Variants in SH3YL1 observed in about 807,000 individuals in gnomAD.
SH3YL1 encodes the protein SH3 and SYLF domain containing 1.
Under a neutral mutation model 45.8 loss-of-function variants are expected in SH3YL1, and 41 were observed. The observed-to-expected ratio is 0.89, with a 90% CI of 0.70 to 1.16. The LOEUF (loss-of-function observed/expected upper bound fraction) is 1.16, where lower values mean the gene tolerates loss of function less well. Among genes scored for constraint, SH3YL1 ranks in the 50% most tolerant of loss-of-function variants. The probability of loss-of-function intolerance (pLI) is 0.00; values close to 1 mark genes in which losing one functional copy is unlikely to be tolerated. For synonymous variants in SH3YL1, 152 were observed against 151.4 expected (o/e 1.00, Z -0.03); for missense variants, 389 against 409.6 (o/e 0.95, Z 0.43).
chr2:233,842 A>T (rs1348837028), intron 5 of SH3YL1, among the ~76,000 whole-genome samples: 1 of 152,208 alleles, frequency 6.6e-6, no homozygotes, highest in East Asian at 1.9e-4. Flanking sequence ...ATCGAAGCTT[A>T]ACTTTATCAT....
rs1668013712 is a variant in SH3YL1 at position 231,055 on chromosome 2, T to C, written c.670A>G (p.Arg224Gly). ...YENEGQRINARKAAREQRKSS... is the reference protein window; with the variant it reads ...YENEGQRINAGKAAREQRKSS... ...TTCCTCTGCTCCCTTGCTGCTTTTCTTGCATTGATTCGTTGTCCTTCATTT... is the reference window on the plus strand; with the variant it reads ...TTCCTCTGCTCCCTTGCTGCTTTTCCTGCATTGATTCGTTGTCCTTCATTT... The change falls in exon 7 of 10, where the codon AGA becomes GGA. Residue 224 changes from arginine (R) to glycine (G), a missense_variant. Arg to Gly is a moderately radical substitution (Grantham distance 125). Coordinates refer to ENST00000356150, the MANE Select transcript of SH3YL1 (RefSeq NM_015677.4). 6.2e-7 allele frequency: 1 copy of C among 1,614,064 alleles called. No individual in the cohort carries two copies. Among genetic ancestry groups the C allele is most frequent in the Non-Finnish European group, 8.5e-7 (1 of 1,180,034 alleles).
intron 4 of SH3YL1, among the ~76,000 whole-genome samples, chr2:236,445 G>A (rs1221103056): frequency 6.6e-6 from 1 of 152,128 alleles, no homozygotes; most frequent in African/African-American, 2.4e-5. Flanking sequence ...TAGGCGTCAA[G>A]TGTACCTGGG....
intron 4 of SH3YL1, chr2:243,701 C>A: frequency 1.1e-6 from 1 of 937,242 alleles, no homozygotes; most frequent in Non-Finnish European, 1.5e-6. Context: ...AAGTTTCTTC[C>A]CCGGAAGAAC....
In SH3YL1 at chr2:231,271, C is replaced by T. The variant is rs566690968; in HGVS notation, c.534-80G>A. ...GTTAAACATAGCATGTGCGCACACA[C>T]GGTGTGTATATATAATCATTCATAC... On this transcript the variant is annotated intron_variant, in intron 6 of 9. Coordinates refer to ENST00000356150, the MANE Select transcript of SH3YL1 (RefSeq NM_015677.4). 50 of 1,070,958 alleles carry T rather than the reference C, an allele frequency of 4.7e-5. 1 individual carries two copies. Among genetic ancestry groups the T allele is most frequent in the South Asian group, 3.8e-4 (24 of 63,698 alleles). 66.3% of individuals were successfully genotyped at this position (1,070,958 alleles called of 1,614,324 possible). A position where few individuals can be genotyped will look rare whatever the true frequency, so the allele number is the denominator to read the frequency against.
chr2:253,550 T>C (rs1669172555), intron 1 of SH3YL1, among the ~76,000 whole-genome samples: 1 of 152,174 alleles, frequency 6.6e-6, no homozygotes, highest in South Asian at 2.1e-4. Context: ...CCCTATATGG[T>C]CTAAAAAGGA....
Position 253,094 on chromosome 2 carries a change from T to C in SH3YL1, c.23A>G (p.Asn8Ser). ...AGCCTTTTTTGCTTCTGATTTCAAA[T>C]TGGAAGGTATAGGGTTATTCACTGA... is the stretch of plus-strand genomic sequence containing the variant. The part of the protein sequence containing the change: MNNPIPS[N>S]LKSEAKKAAK... The change falls in exon 2 of 10, where the codon AAT becomes AGT. Residue 8 changes from asparagine to serine, a missense_variant. Coordinates refer to ENST00000356150, the MANE Select transcript of SH3YL1 (RefSeq NM_015677.4). The C allele has an allele frequency of 1.3e-6, 2 of 1,542,984 alleles. No homozygotes were observed. Among genetic ancestry groups the C allele is most frequent in the Non-Finnish European group, 1.8e-6 (2 of 1,139,374 alleles).
At chr2:234,133 T>G in intron 5 of SH3YL1, 27 bp downstream of exon 5, 1 of 1,485,234 alleles carries the variant, frequency 6.7e-7, no homozygotes, top group Non-Finnish European at 9.3e-7. Context: ...AAACCTTTAC[T>G]GTCTAACATC....
chr2:246,296 C>T (rs1481281047), intron 4 of SH3YL1, among the ~76,000 whole-genome samples: 1 of 152,146 alleles, frequency 6.6e-6, no homozygotes, highest in Non-Finnish European at 1.5e-5. Flanking sequence ...CTACATTTTA[C>T]TTGCTCTTGT....
chr2:238,948 T>C (rs1668423230), intron 4 of SH3YL1, among the ~76,000 whole-genome samples: 1 of 152,072 alleles, frequency 6.6e-6, no homozygotes, highest in African/African-American at 2.4e-5. Context: ...AATCTGGGAG[T>C]CTAAAGGTTG....
At chr2:253,456 C>G (rs973503252) in intron 1 of SH3YL1, among the ~76,000 whole-genome samples, 1 of 152,208 alleles carries the variant, frequency 6.6e-6, no homozygotes. Flanking sequence ...TCATTATACA[C>G]TAATTCTAAT....
At chr2:234,935 T>C (rs764002199) in intron 4 of SH3YL1, among the ~76,000 whole-genome samples, 26 of 152,346 alleles carry the variant, frequency 1.7e-4, no homozygotes, top group South Asian at 4.1e-4. Context: ...TGGAGTGCAG[T>C]GGCGTGATCT....
At chr2:243,396 T>C in intron 4 of SH3YL1, 2 of 1,099,330 alleles carry the variant, frequency 1.8e-6, no homozygotes, top group Non-Finnish European at 2.5e-6. Flanking sequence ...TTTATAAATA[T>C]GTGGACATTA....
chr2:232,209 C>T (rs1668077510), intron 6 of SH3YL1, among the ~76,000 whole-genome samples: 2 of 151,564 alleles, frequency 1.3e-5, no homozygotes. Context: ...GTAGAAGTTT[C>T]CCTTTACCTT....
At chr2:237,273 G>C (rs1258469550) in intron 4 of SH3YL1, among the ~76,000 whole-genome samples, 1 of 151,832 alleles carries the variant, frequency 6.6e-6, no homozygotes, top group Non-Finnish European at 1.5e-5. Flanking sequence ...GAAAAACAAA[G>C]TCTTTTGATT....
chr2:221,310 A>G (rs559936734), intron 9 of SH3YL1, among the ~76,000 whole-genome samples: 46 of 152,298 alleles, frequency 3.0e-4, no homozygotes, highest in African/African-American at 1.1e-3. Context: ...GGGTTTCCAG[A>G]CTGTACAAAT....
chr2:247,411 G>A, intron 4 of SH3YL1, 127 bp downstream of exon 4: 1 of 630,294 alleles, frequency 1.6e-6, no homozygotes, highest in Non-Finnish European at 2.7e-6. Context: ...GAAAATAAAG[G>A]AAACAATTTT....
intron 4 of SH3YL1, among the ~76,000 whole-genome samples, chr2:239,265 CA>C (rs1668440220): frequency 6.6e-6 from 1 of 152,186 alleles, no homozygotes; most frequent in Non-Finnish European, 1.5e-5. Context: ...CTAAGGCATC[CA>C]TTGCAACTAA....
intron 4 of SH3YL1, chr2:244,748 T>C (rs1178719256): frequency 3.9e-5 from 6 of 152,080 alleles, no homozygotes; most frequent in Non-Finnish European, 8.8e-5. Context: ...TCTGTGGACG[T>C]AGGTGTGAAG....
In SH3YL1 at chr2:218,899, GA is replaced by G. The variant is rs1338337284; in HGVS notation, c.940del (p.Ser314GlnfsTer26). 1 of 1,614,022 alleles carries G rather than the reference GA, an allele frequency of 6.2e-7. No homozygotes were observed. Among genetic ancestry groups the G allele is most frequent in the South Asian group, 1.1e-5 (1 of 91,062 alleles). Reference sequence around the variant, plus strand: ...CCAATCAAAATGTGAATCTGTTTTTGATATAACTGTGATTCTGTCTCCAGCT... The same window carrying G: ...CCAATCAAAATGTGAATCTGTTTTTGTATAACTGTGATTCTGTCTCCAGCT... ...FQAGDRITVI[S>X]KTDSHFDWWE... On this transcript the variant is annotated frameshift_variant, in exon 10 of 10. Coordinates refer to ENST00000356150, the MANE Select transcript of SH3YL1 (RefSeq NM_015677.4). LOFTEE classifies it high-confidence loss of function.
Sources: gnomAD v4.1 joint callset for allele counts (sites outside exome capture counted in the v4.1 genomes callset) on GRCh38, gnomAD v4.1.1 for gene constraint, MANE v1.5 for transcripts, NCBI Gene and HGNC (gene_info 2026-07-23, HGNC 2026-07-21) for gene names.